The following MPRIP variants were observed in gnomAD, a reference collection of about 807,000 sequenced individuals.
The protein encoded by MPRIP is myosin phosphatase Rho-interacting protein.
MPRIP carries 59 observed loss-of-function variants against 234.9 expected under a neutral mutation model. The ratio of observed to expected loss-of-function variants is 0.25; its 90% CI spans 0.20 to 0.31. The LOEUF (loss-of-function observed/expected upper bound fraction) is 0.31, where lower values mean the gene tolerates loss of function less well. MPRIP is among the 10% of genes least tolerant of loss of function. The pLI is 1.00. For missense variants in MPRIP, 2,436 were observed against 3,071.0 expected (o/e 0.79, Z 4.89); for synonymous variants, 1,144 against 1,263.9 (o/e 0.91, Z 2.01).
rs1131632 is a variant in MPRIP, at chr17:17,185,014, G to A, written c.*120G>A. 13,407 of 670,332 alleles carry A rather than the reference G, an allele frequency of 0.02. 1,056 individuals are homozygous for A. The highest frequency in any genetic ancestry group is 0.19 in the African/African-American group (10,552 of 55,096). The allele number at this position is 670,332 out of a possible 1,614,324, so 41.5% of individuals were successfully genotyped here. The stretch of plus-strand genomic sequence containing the variant: ...TATTATTATTGCTGTTGTTGTCATC[G>A]TTAACTGTGGGCATGGAATGCGTGA... On this transcript the variant is annotated 3_prime_UTR_variant, in exon 24 of 24. Transcript: ENST00000651222.
At chr17:17,175,090 C>G (rs1170245083) in intron 19 of MPRIP, among the ~76,000 whole-genome samples, 1 of 152,222 alleles carries the variant, frequency 6.6e-6, no homozygotes, top group East Asian at 1.9e-4. Context: ...AAGATTACCC[C>G]ACAGGAGCTC....
At chr17:17,119,143 C>T (rs1230851799) in intron 3 of MPRIP, among the ~76,000 whole-genome samples, 1 of 152,218 alleles carries the variant, frequency 6.6e-6, no homozygotes, top group Non-Finnish European at 1.5e-5. Context: ...GTGTTCCTTC[C>T]TGAGAAAACT....
chr17:17,067,498 A>T (rs536850562), intron 1 of MPRIP, among the ~76,000 whole-genome samples: 1 of 152,326 alleles, frequency 6.6e-6, no homozygotes, highest in East Asian at 1.9e-4. Context: ...ACGATGCAAG[A>T]TTTCATCACA....
chr17:17,149,930 C>T, intron 11 of MPRIP: 1 of 472,518 alleles, frequency 2.1e-6, no homozygotes, highest in South Asian at 2.6e-5. Flanking sequence ...CTGGCGTGGA[C>T]TATCTTTGGC....
Position 17,138,031 on chromosome 17 carries a change from G to GC in MPRIP, c.857dup (p.Pro287AlafsTer64). 1 of 1,595,746 alleles carries GC rather than the reference G, an allele frequency of 6.3e-7. No homozygotes were observed. Among genetic ancestry groups the GC allele is most frequent in the Non-Finnish European group, 8.5e-7 (1 of 1,171,328 alleles). On this transcript the variant is annotated frameshift_variant, in exon 7 of 24. Coordinates refer to ENST00000651222, the MANE Select transcript of MPRIP (RefSeq NM_001364716.4). LOFTEE classifies it high-confidence loss of function. This position sits in a 1 kb window ranked among gnomAD's most constrained non-coding sequence, Gnocchi z 5.8. The stretch of plus-strand genomic sequence containing the variant: ...ACTTGAAGGCTGAAGAACAGCAGCT[G>GC]CCCCCGCCGCTCTCCCCTCCCAGCC...
At chr17:17,079,676 A>C (rs935082162) in intron 3 of MPRIP, among the ~76,000 whole-genome samples, 1 of 152,204 alleles carries the variant, frequency 6.6e-6, no homozygotes, top group African/African-American at 2.4e-5. Context: ...GAACCATCCC[A>C]AAAAAACAAA....
intron 5 of MPRIP, among the ~76,000 whole-genome samples, chr17:17,133,079 T>G (rs1160835919): frequency 6.6e-6 from 1 of 152,160 alleles, no homozygotes; most frequent in African/African-American, 2.4e-5. Flanking sequence ...TCTCCCTCCC[T>G]CATGACACCC....
intron 5 of MPRIP, among the ~76,000 whole-genome samples, chr17:17,133,680 T>TTTCC (rs1186032754): frequency 6.6e-6 from 1 of 152,210 alleles, no homozygotes; most frequent in East Asian, 1.9e-4. Flanking sequence ...TGGGACCTTC[T>TTTCC]GGAAGGTTCT....
chr17:17,131,332 C>A (rs373886066), intron 4 of MPRIP, among the ~76,000 whole-genome samples: 1 of 152,234 alleles, frequency 6.6e-6, no homozygotes, highest in Non-Finnish European at 1.5e-5. Context: ...CAATTCCAGG[C>A]CCTGGAGACA....
intron 3 of MPRIP, among the ~76,000 whole-genome samples, chr17:17,098,022 C>G (rs2089884567): frequency 6.6e-6 from 1 of 152,212 alleles, no homozygotes; most frequent in South Asian, 2.1e-4. Flanking sequence ...GCAAAGGAAG[C>G]TGGGGGTGAT....
intron 3 of MPRIP, among the ~76,000 whole-genome samples, chr17:17,091,228 G>T (rs1475795069): frequency 6.6e-6 from 1 of 152,122 alleles, no homozygotes; most frequent in Non-Finnish European, 1.5e-5. Flanking sequence ...GGACCCAGAG[G>T]CCGTTCTAGC....
At chr17:17,158,383 C>T in intron 13 of MPRIP, 49 bp from the exon 14 acceptor site, 10 of 1,487,666 alleles carry the variant, frequency 6.7e-6, no homozygotes, top group Non-Finnish European at 9.0e-6. Context: ...CCTGGCAGGC[C>T]ACACCAGAGC....
Position 17,042,741 on chromosome 17 carries a change from G to A in MPRIP, c.-108G>A, listed in dbSNP as rs2088210441. 1.2e-6 allele frequency: 1 copy of A among 851,536 alleles called. No homozygotes were observed. Among genetic ancestry groups the A allele is most frequent in the Non-Finnish European group, 1.3e-6 (1 of 768,444 alleles). 52.7% of individuals were successfully genotyped at this position (851,536 alleles called of 1,614,324 possible). ...GGAGGCCGGGCCGGGCCTGCGGCGG[G>A]GCCGGCGAGGGATGCGGCGCGGCCG... On this transcript the variant is annotated 5_prime_UTR_variant, in exon 1 of 24. Transcript: ENST00000651222.
At chr17:17,184,247 G>A (rs954552252) in intron 23 of MPRIP, among the ~76,000 whole-genome samples, 2 of 152,230 alleles carry the variant, frequency 1.3e-5, no homozygotes, top group Admixed American at 6.5e-5. Context: ...TACTAGATAC[G>A]TTGGCGTGTT....
intron 23 of MPRIP, chr17:17,181,820 T>A (rs979405703): frequency 6.6e-6 from 1 of 152,216 alleles, no homozygotes; most frequent in African/African-American, 2.4e-5. Context: ...AGTAACTCTG[T>A]GCAGTGAGTG....
At chr17:17,155,256 CT>C (rs11337175) in intron 13 of MPRIP, among the ~76,000 whole-genome samples, 13,231 of 143,788 alleles carry the variant, frequency 0.092, 767 homozygotes, top group East Asian at 0.19. Flanking sequence ...AAAGCGTGTT[CT>C]TTTTTTTTTT....
Position 17,185,013 on chromosome 17 carries a change from C to T in MPRIP, c.*119C>T, listed in dbSNP as rs948018704. Reference sequence around the variant, plus strand: ...TTATTATTATTGCTGTTGTTGTCATCGTTAACTGTGGGCATGGAATGCGTG... The same window carrying T: ...TTATTATTATTGCTGTTGTTGTCATTGTTAACTGTGGGCATGGAATGCGTG... On this transcript the variant is annotated 3_prime_UTR_variant, in exon 24 of 24. Coordinates refer to ENST00000651222, the MANE Select transcript of MPRIP (RefSeq NM_001364716.4). 7 of 682,740 alleles carry T rather than the reference C, an allele frequency of 1.0e-5. 1 individual carries two copies. The highest frequency in any genetic ancestry group is 1.6e-5 in the South Asian group (1 of 61,302). The allele number at this position is 682,740 out of a possible 1,614,324, so 42.3% of individuals were successfully genotyped here.
chr17:17,168,266 T>G, intron 16 of MPRIP: 1 of 278,092 alleles, frequency 3.6e-6, no homozygotes, highest in Non-Finnish European at 7.0e-6. Context: ...TTCCTGCCCC[T>G]GCCCCGGGAA....
At chr17:17,147,503 C>T in intron 11 of MPRIP, 116 bp downstream of exon 11, 1 of 992,692 alleles carries the variant, frequency 1.0e-6, no homozygotes, top group Non-Finnish European at 1.6e-6. Context: ...AGGACAGCGC[C>T]CTTCGGTGGT....
Sources: allele counts gnomAD v4.1 joint callset (sites outside exome capture counted in the v4.1 genomes callset), GRCh38; gene constraint gnomAD v4.1.1; non-coding constraint Gnocchi (gnomAD v3.1); transcripts MANE v1.5; gene names NCBI Gene and HGNC (gene_info 2026-07-23, HGNC 2026-07-21).